The following ARID2 variants were observed in gnomAD, a reference collection of about 807,000 sequenced individuals.
ARID2 encodes AT-rich interactive domain-containing protein 2.
ARID2 carries 32 observed loss-of-function variants against 184.6 expected under a neutral mutation model. The observed-to-expected ratio is 0.17, with a 90% CI of 0.13 to 0.23. ARID2 has a LOEUF of 0.23. Among genes scored for constraint, ARID2 ranks in the 10% least tolerant of loss-of-function variants. ARID2 has a pLI of 1.00. For missense variants in ARID2, 1,696 were observed against 2,197.6 expected, an observed-to-expected ratio of 0.77 and a Z score of 4.56; for synonymous variants, 836 against 772.6, an observed-to-expected ratio of 1.08 and a Z score of -1.36.
Position 45,761,228 on chromosome 12 carries a change from A to G in ARID2, c.284+29914A>G, listed in dbSNP as rs527776903. On this transcript the variant is annotated intron_variant, in intron 3 of 20. Coordinates refer to ENST00000334344, the MANE Select transcript of ARID2 (RefSeq NM_152641.4). ...AGCATACTCTCCACACTGCACCCCTACTTTCTTGAAATAGGGTGATGTGAT... is the reference window on the plus strand; with the variant it reads ...AGCATACTCTCCACACTGCACCCCTGCTTTCTTGAAATAGGGTGATGTGAT... 3.3e-5 allele frequency among the ~76,000 whole-genome samples: 5 copies of G among 152,204 alleles called. No individual in the cohort carries two copies. In the South Asian group the frequency reaches 8.3e-4, roughly 25 times the overall value.
At chr12:45,845,211 T>G (rs1296685130) in intron 11 of ARID2, among the ~76,000 whole-genome samples, 1 of 152,204 alleles carries the variant, frequency 6.6e-6, no homozygotes, top group Non-Finnish European at 1.5e-5. Flanking sequence ...TCAGGAAATT[T>G]CAGTCTAAGT....
chr12:45,858,204 T>G (rs776550349), intron 15 of ARID2, among the ~76,000 whole-genome samples: 1 of 152,194 alleles, frequency 6.6e-6, no homozygotes, highest in African/African-American at 2.4e-5. Flanking sequence ...TCATGGTGTC[T>G]GGTTTATTCA....
intron 3 of ARID2, among the ~76,000 whole-genome samples, chr12:45,788,996 C>T (rs1040752314): frequency 6.6e-6 from 1 of 152,118 alleles, no homozygotes; most frequent in East Asian, 1.9e-4. Flanking sequence ...TTCTTCTAAC[C>T]TGATGTTCAG....
intron 4 of ARID2, among the ~76,000 whole-genome samples, chr12:45,812,871 A>T (rs1942735300): frequency 1.3e-5 from 2 of 152,184 alleles, no homozygotes; most frequent in African/African-American, 4.8e-5. Flanking sequence ...TTGTAACTTA[A>T]ACAGACTTTG....
At chr12:45,863,094 G>C (rs1003491126) in intron 16 of ARID2, among the ~76,000 whole-genome samples, 10 of 152,180 alleles carry the variant, frequency 6.6e-5, no homozygotes, top group African/African-American at 2.4e-4. Flanking sequence ...TAGTTTCATA[G>C]TGCTGTTTGC....
chr12:45,842,680 CA>C (rs1401452311), intron 11 of ARID2, among the ~76,000 whole-genome samples: 1 of 151,538 alleles, frequency 6.6e-6, no homozygotes, highest in African/African-American at 2.4e-5. Flanking sequence ...TTGCTTGAAC[CA>C]GGGAGGCAGA....
At chr12:45,782,210 G>T (rs2138040225) in intron 3 of ARID2, among the ~76,000 whole-genome samples, 1 of 152,232 alleles carries the variant, frequency 6.6e-6, no homozygotes, top group South Asian at 2.1e-4. Context: ...ACTAGCAAAT[G>T]TGTCTAGAAA....
At chr12:45,847,929 A>C (rs1235802079) in intron 12 of ARID2, among the ~76,000 whole-genome samples, 1 of 152,042 alleles carries the variant, frequency 6.6e-6, no homozygotes, top group African/African-American at 2.4e-5. Flanking sequence ...ACCAAAATGA[A>C]GTTTTTATAT....
rs1344076934 is a variant in ARID2, at chr12:45,860,782, C to A, written c.4774-19C>A. On this transcript the variant is annotated intron_variant, in intron 15 of 20. Transcript: ENST00000334344. ...TTTCAGTGTCATGTCACAAACTCTG[C>A]ATTTGTTCTTTTTCACAGAACACTC... 2 of 1,489,052 alleles carry A rather than the reference C, an allele frequency of 1.3e-6. No individual in the cohort carries two copies. The highest frequency in any genetic ancestry group is 5.0e-5 in the East Asian group (2 of 40,164). 92.2% of individuals were successfully genotyped at this position (1,489,052 alleles called of 1,614,324 possible).
chr12:45,893,306 TA>T, intron 18 of ARID2, 113 bp from the exon 19 acceptor site: 1 of 1,312,062 alleles, frequency 7.6e-7, no homozygotes, highest in Non-Finnish European at 1.0e-6. Context: ...AGTCACCCTG[TA>T]AACACGATTT....
intron 16 of ARID2, among the ~76,000 whole-genome samples, chr12:45,878,992 T>A (rs1944055270): frequency 6.6e-6 from 1 of 152,020 alleles, no homozygotes; most frequent in Admixed American, 6.6e-5. Context: ...TGTTGTTGGA[T>A]TTTTTTTAGA....
intron 16 of ARID2, among the ~76,000 whole-genome samples, chr12:45,871,707 T>C (rs1483647519): frequency 6.6e-6 from 1 of 152,188 alleles, no homozygotes; most frequent in Non-Finnish European, 1.5e-5. Flanking sequence ...CCTTTAATTA[T>C]TTGTTGTGAA....
intron 3 of ARID2, among the ~76,000 whole-genome samples, chr12:45,782,325 C>T (rs1232606488): frequency 6.6e-6 from 1 of 151,908 alleles, no homozygotes; most frequent in Non-Finnish European, 1.5e-5. Flanking sequence ...AAAACTAATA[C>T]TAATAAATTT....
intron 8 of ARID2, 72 bp downstream of exon 8, chr12:45,837,063 C>T: frequency 6.6e-7 from 1 of 1,524,084 alleles, no homozygotes; most frequent in Non-Finnish European, 8.8e-7. Flanking sequence ...TAGGATGTGG[C>T]ATTTTATAGT....
chr12:45,899,677 ATGGT>A (rs1287067771), intron 20 of ARID2, among the ~76,000 whole-genome samples: 4 of 69,902 alleles, frequency 5.7e-5, no homozygotes, highest in African/African-American at 1.1e-4. Context: ...ATGGTTATAT[ATGGT>A]TATATATATA....
chr12:45,807,438 A>G (rs889595842), intron 3 of ARID2, among the ~76,000 whole-genome samples: 2 of 152,130 alleles, frequency 1.3e-5, no homozygotes, highest in African/African-American at 4.8e-5. Context: ...ATGAGGTTAT[A>G]TGATATCTGA....
chr12:45,862,067 T>C (rs532166072), intron 16 of ARID2, among the ~76,000 whole-genome samples: 47 of 152,326 alleles, frequency 3.1e-4, no homozygotes, highest in African/African-American at 1.1e-3. Context: ...GCTACCTGTG[T>C]AGCCTAGGGA....
chr12:45,907,268 C>G lies in ARID2; in HGVS notation c.*2190C>G, dbSNP rs1179674946. ...CTATTCACCGTACTTATCCAAAAAT[C>G]TCTTTTAAAAAGTAAATTTGTGCAA... On this transcript the variant is annotated 3_prime_UTR_variant, in exon 21 of 21. Coordinates refer to ENST00000334344, the MANE Select transcript of ARID2 (RefSeq NM_152641.4). 8.6e-6 allele frequency: 2 copies of G among 232,848 alleles called. No individual in the cohort carries two copies. Among genetic ancestry groups the G allele is most frequent in the African/African-American group, 2.2e-5 (1 of 45,338 alleles). The allele number at this position is 232,848 out of a possible 1,614,324, so 14.4% of individuals were successfully genotyped here. A position where few individuals can be genotyped will look rare whatever the true frequency, so the allele number is the denominator to read the frequency against.
intron 15 of ARID2, among the ~76,000 whole-genome samples, chr12:45,858,420 C>A (rs901233042): frequency 6.6e-6 from 1 of 152,266 alleles, no homozygotes; most frequent in African/African-American, 2.4e-5. Context: ...TTAACCCCTC[C>A]TCCCATGCCA....
Sources: gnomAD v4.1 joint callset for allele counts (sites outside exome capture counted in the v4.1 genomes callset) on GRCh38, gnomAD v4.1.1 for gene constraint, MANE v1.5 for transcripts, NCBI Gene and HGNC (gene_info 2026-07-23, HGNC 2026-07-21) for gene names.